Variants in DNAH8 observed in about 807,000 individuals in gnomAD.
DNAH8 encodes the protein dynein axonemal heavy chain 8, also known as axonemal beta dynein heavy chain 8.
In DNAH8, 382 loss-of-function variants were observed where a neutral mutation model predicts 562.1. The observed-to-expected ratio is 0.68, with a 90% CI of 0.63 to 0.74. The LOEUF (loss-of-function observed/expected upper bound fraction) is 0.74, where lower values mean the gene tolerates loss of function less well. Ranked by LOEUF, DNAH8 falls within the 30% of genes least tolerant of loss-of-function variation. The pLI is 0.00. For synonymous variants in DNAH8, 1,881 were observed against 1,919.4 expected, an observed-to-expected ratio of 0.98 and a Z score of 0.52; for missense variants, 5,203 against 5,620.4, an observed-to-expected ratio of 0.93 and a Z score of 2.37.
At chr6:38,872,407 A>G in intron 49 of DNAH8, 129 bp from the exon 50 acceptor site, 1 of 1,020,264 alleles carries the variant, frequency 9.8e-7, no homozygotes, top group South Asian at 1.7e-5. Context: ...CATTTTTTAC[A>G]ACTTAAAAAT....
At chr6:38,738,899 G>T (rs1400336856) in intron 7 of DNAH8, among the ~76,000 whole-genome samples, 2 of 151,192 alleles carry the variant, frequency 1.3e-5, no homozygotes, top group Non-Finnish European at 3.0e-5. Flanking sequence ...ATTTTTTTTT[G>T]AAAAATCTTT....
chr6:38,899,900 T>C lies in DNAH8; in HGVS notation c.9188T>C (p.Leu3063Ser), dbSNP rs746420749. ...GGCTATCAAATATTCCAGATAACAT[T>C]AACCAGGTAGGATGAAATAAAACAC... is the stretch of plus-strand genomic sequence containing the variant. ...IAGYQIFQITLTRSYNVTNLT... is the reference protein window; with the variant it reads ...IAGYQIFQITSTRSYNVTNLT... Residue 3063 changes from leucine (L) to serine (S), a missense_variant, in exon 62 of 93, where the codon TTA (leucine) becomes TCA (serine). This residue lies in a region of DNAH8 where 977 missense variants were observed against 1,061.8 expected (regional missense o/e 0.92). Coordinates refer to ENST00000327475, the MANE Select transcript of DNAH8 (RefSeq NM_001206927.2). 1.9e-6 allele frequency: 3 copies of C among 1,590,152 alleles called. No homozygotes were observed. In the South Asian group the frequency reaches 3.5e-5, roughly 18 times the overall value.
chr6:38,902,321 A>C (rs896531149), intron 62 of DNAH8, among the ~76,000 whole-genome samples: 2 of 151,846 alleles, frequency 1.3e-5, no homozygotes, highest in Admixed American at 6.6e-5. Flanking sequence ...ACTCCCAACC[A>C]CCACCTCTAT....
intron 9 of DNAH8, among the ~76,000 whole-genome samples, chr6:38,755,490 G>T (rs953270867): frequency 6.6e-6 from 1 of 152,158 alleles, no homozygotes; most frequent in Non-Finnish European, 1.5e-5. Context: ...AATGGCACTT[G>T]GTAGGATTGC....
intron 88 of DNAH8, among the ~76,000 whole-genome samples, chr6:39,007,951 A>C (rs191312301): frequency 1.6e-4 from 12 of 76,842 alleles, no homozygotes; most frequent in South Asian, 5.1e-4. Context: ...ACCCACCCAC[A>C]CACACACACA....
chr6:38,727,209 C>A (rs565721393), intron 3 of DNAH8, among the ~76,000 whole-genome samples: 14 of 152,266 alleles, frequency 9.2e-5, no homozygotes, highest in African/African-American at 3.4e-4. Flanking sequence ...AGGATGAAAG[C>A]AGCTCAGTAA....
intron 32 of DNAH8, among the ~76,000 whole-genome samples, chr6:38,835,050 A>G (rs1250541959): frequency 2.6e-5 from 4 of 151,960 alleles, no homozygotes; most frequent in Non-Finnish European, 4.4e-5. Context: ...TCTTTGTCCT[A>G]TCTCCTCTGC....
Position 38,834,578 on chromosome 6 carries a change from G to A in DNAH8, c.4303-1G>A. 1 of 1,585,856 alleles carries A rather than the reference G, an allele frequency of 6.3e-7. No homozygotes were observed. The highest frequency in any genetic ancestry group is 8.6e-7 in the Non-Finnish European group (1 of 1,164,914). ...AATGGAGATTATATTCTTCCTTACA[G>A]GAAGGACCTATGGTTCCAAATATAC... On this transcript the variant is annotated splice_acceptor_variant, in intron 31 of 92. Transcript: ENST00000327475. LOFTEE classifies it high-confidence loss of function.
chr6:38,735,394 G>A (rs550300825), intron 5 of DNAH8, among the ~76,000 whole-genome samples: 3 of 152,120 alleles, frequency 2.0e-5, no homozygotes, highest in Non-Finnish European at 4.4e-5. Flanking sequence ...AAGATTTTAG[G>A]TTGGCAGTTA....
intron 91 of DNAH8, among the ~76,000 whole-genome samples, chr6:39,018,801 G>A (rs1766719662): frequency 6.6e-6 from 1 of 152,158 alleles, no homozygotes; most frequent in Admixed American, 6.5e-5. Context: ...AGTAAGTAGT[G>A]GCAGGTGCTC....
chr6:38,732,294 A>G (rs1763716092), intron 4 of DNAH8, among the ~76,000 whole-genome samples: 1 of 152,208 alleles, frequency 6.6e-6, no homozygotes, highest in Non-Finnish European at 1.5e-5. Context: ...CTTATGTCTT[A>G]TCAGACAGAA....
Position 38,842,362 on chromosome 6 carries a change from T to G in DNAH8, c.4467-6T>G, listed in dbSNP as rs373703082. ...GATGTGATAACTTAGTTACTTTGTT[T>G]CCCAGAAAAGAACTCAACTTGCTGC... On this transcript the variant is annotated splice_polypyrimidine_tract_variant and splice_region_variant and intron_variant, in intron 33 of 92. Transcript: ENST00000327475. 69 of 1,594,016 alleles carry G rather than the reference T, an allele frequency of 4.3e-5. No homozygotes were observed. The African/African-American group carries it at 8.5e-4, about 20-fold the overall frequency.
At position 38,861,689 on chromosome 6, in the gene DNAH8, G is replaced by A. The variant is rs138192416; in HGVS notation, c.6132-591G>A. On this transcript the variant is annotated intron_variant, in intron 43 of 92. Coordinates refer to ENST00000327475, the MANE Select transcript of DNAH8 (RefSeq NM_001206927.2). ...TGGGACTACAGGCGCATGCCACCAC[G>A]CCTGGCTAATTTTTGTGTTTTTTAA... 1.1e-3 allele frequency among the ~76,000 whole-genome samples: 171 copies of A among 152,194 alleles called. 6 individuals are homozygous for A. The East Asian group carries it at 0.027, about 24-fold the overall frequency.
At chr6:38,970,391 A>T (rs962690530) in intron 82 of DNAH8, among the ~76,000 whole-genome samples, 1 of 152,070 alleles carries the variant, frequency 6.6e-6, no homozygotes, top group African/African-American at 2.4e-5. Context: ...AGCTGGAAAG[A>T]TTCATGTGGG....
chr6:38,735,999 G>A (rs978135826), intron 5 of DNAH8, among the ~76,000 whole-genome samples: 8 of 152,062 alleles, frequency 5.3e-5, no homozygotes, highest in Non-Finnish European at 1.2e-4. Context: ...TCAGCTGGGT[G>A]TGGTTGTGCA....
chr6:39,012,491 C>T lies in DNAH8; in HGVS notation c.13568C>T (p.Pro4523Leu), dbSNP rs774127036. Residue 4523 changes from proline (P) to leucine (L), a missense_variant, in exon 91 of 93, where the codon CCT (proline) becomes CTT (leucine). Coordinates refer to ENST00000327475, the MANE Select transcript of DNAH8 (RefSeq NM_001206927.2). The part of the protein sequence containing the change: ...ALDNMYDARI[P>L]QLWKRVSWDS... ...GACAACATGTATGATGCTCGTATAC[C>T]TCAGCTCTGGAAAAGAGTGTCTTGG... 6.2e-7 allele frequency: 1 copy of T among 1,614,074 alleles called. No homozygotes were observed. Among genetic ancestry groups the T allele is most frequent in the South Asian group, 1.1e-5 (1 of 91,070 alleles).
intron 8 of DNAH8, among the ~76,000 whole-genome samples, chr6:38,745,388 G>A (rs1167820989): frequency 6.6e-6 from 1 of 152,176 alleles, no homozygotes; most frequent in East Asian, 1.9e-4. Flanking sequence ...TATGCACTTT[G>A]ACAATTACAA....
chr6:38,766,343 G>T (rs958729367), intron 11 of DNAH8, among the ~76,000 whole-genome samples: 2 of 152,136 alleles, frequency 1.3e-5, no homozygotes, highest in African/African-American at 4.8e-5. Context: ...CTTAGAAGTG[G>T]AGAGTAGAAT....
At chr6:38,750,836 T>G (rs1333399241) in intron 9 of DNAH8, among the ~76,000 whole-genome samples, 2 of 149,820 alleles carry the variant, frequency 1.3e-5, no homozygotes, top group African/African-American at 5.1e-5. Context: ...CTTTAATATG[T>G]GTATATTGGG....
Sources: allele counts gnomAD v4.1 joint callset (sites outside exome capture counted in the v4.1 genomes callset), GRCh38; gene constraint gnomAD v4.1.1; regional missense constraint gnomAD v4.1.1; transcripts MANE v1.5; gene names NCBI Gene and HGNC (gene_info 2026-07-23, HGNC 2026-07-21).